Variants in DOCK3 observed in about 807,000 individuals in gnomAD.
DOCK3 encodes the protein dedicator of cytokinesis protein 3.
DOCK3 carries 60 observed loss-of-function variants against 265.6 expected under a neutral mutation model. The ratio of observed to expected loss-of-function variants is 0.23; its 90% confidence interval spans 0.18 to 0.28. The LOEUF is 0.28. Among genes scored for constraint, DOCK3 ranks in the 10% least tolerant of loss-of-function variants. The pLI is 1.00. For synonymous variants in DOCK3, 881 were observed against 938.0 expected, an observed-to-expected ratio of 0.94 and a Z score of 1.11; for missense variants, 1,981 against 2,594.3, an observed-to-expected ratio of 0.76 and a Z score of 5.14.
intron 5 of DOCK3, among the ~76,000 whole-genome samples, chr3:51,049,344 AAAGAAAG>A (rs2080901911): frequency 2.0e-5 from 3 of 151,904 alleles, no homozygotes; most frequent in Admixed American, 6.6e-5. Flanking sequence ...AGAAAGAAAG[AAAGAAAG>A]AAAAAGAAGA....
intron 27 of DOCK3, among the ~76,000 whole-genome samples, chr3:51,287,088 A>G (rs7616967): frequency 0.79 from 120,027 of 152,116 alleles, 48,286 homozygotes; most frequent in Middle Eastern, 0.89. Flanking sequence ...TCTGATAACC[A>G]GAATCTGTAA....
intron 3 of DOCK3, among the ~76,000 whole-genome samples, chr3:50,857,673 A>G (rs1425455869): frequency 1.3e-5 from 2 of 152,242 alleles, no homozygotes; most frequent in African/African-American, 2.4e-5. Flanking sequence ...AGACACATGA[A>G]AAAATGTTCA....
At chr3:50,739,510 CTTTG>C (rs1240675355) in intron 1 of DOCK3, among the ~76,000 whole-genome samples, 2 of 152,076 alleles carry the variant, frequency 1.3e-5, no homozygotes, top group East Asian at 3.9e-4. Context: ...TATTATTTGC[CTTTG>C]TTTATGACCT....
In DOCK3 at chr3:51,186,507, A is replaced by C. The variant is rs147330577; in HGVS notation, c.1038-22267A>C. Among the ~76,000 whole-genome samples the C allele has an allele frequency of 1.0e-3, 159 of 152,358 alleles. 2 individuals carry two copies. The East Asian group carries it at 0.03, about 29-fold the overall frequency. On this transcript the variant is annotated intron_variant, in intron 12 of 52. Coordinates refer to ENST00000266037, the MANE Select transcript of DOCK3 (RefSeq NM_004947.5). The stretch of plus-strand genomic sequence containing the variant: ...AGGAGAAATTCAAGCTGGCTGCATA[A>C]ATTTGCATAAGTAATGAGGAGCTGA...
At chr3:51,011,768 G>A (rs1302654686) in intron 5 of DOCK3, among the ~76,000 whole-genome samples, 3 of 152,204 alleles carry the variant, frequency 2.0e-5, no homozygotes, top group Non-Finnish European at 4.4e-5. Context: ...CCTACCTTTG[G>A]TCTTTGATGA....
At chr3:50,736,296 A>G (rs2038606856) in intron 1 of DOCK3, among the ~76,000 whole-genome samples, 1 of 151,150 alleles carries the variant, frequency 6.6e-6, no homozygotes, top group Non-Finnish European at 1.5e-5. Context: ...AATCCAGTCT[A>G]TCATTGATGG....
chr3:50,803,049 T>C (rs1447296817), intron 2 of DOCK3, among the ~76,000 whole-genome samples: 1 of 150,776 alleles, frequency 6.6e-6, no homozygotes, highest in African/African-American at 2.4e-5. Context: ...AGATTTTATG[T>C]ATTTATGTAT....
chr3:50,900,552 G>T (rs529489626), intron 4 of DOCK3, among the ~76,000 whole-genome samples: 3 of 152,132 alleles, frequency 2.0e-5, no homozygotes, highest in African/African-American at 7.2e-5. Context: ...AGGAGAAGAG[G>T]CATTCTGATT....
At chr3:51,017,547 G>T (rs9860862) in intron 5 of DOCK3, among the ~76,000 whole-genome samples, 1 of 151,594 alleles carries the variant, frequency 6.6e-6, no homozygotes, top group African/African-American at 2.4e-5. Flanking sequence ...GTAGGTTTTG[G>T]CATGTTGTGT....
chr3:50,687,985 C>A (rs1029177201), intron 1 of DOCK3, among the ~76,000 whole-genome samples: 1 of 152,184 alleles, frequency 6.6e-6, no homozygotes, highest in African/African-American at 2.4e-5. Context: ...TACAGTGACT[C>A]AATCCTCTCT....
chr3:50,907,706 A>G (rs1200761907), intron 4 of DOCK3, among the ~76,000 whole-genome samples: 9 of 152,138 alleles, frequency 5.9e-5, no homozygotes, highest in Non-Finnish European at 1.0e-4. Context: ...ACTCTATCCA[A>G]TTTGCCAGTC....
rs782216936 is a variant in DOCK3 at position 51,381,196 on chromosome 3, C to T, written c.5730C>T (p.Arg1910=). The change falls in exon 53 of 53, where the codon CGC becomes CGT. Residue 1910 remains arginine (R), a synonymous_variant. Coordinates refer to ENST00000266037, the MANE Select transcript of DOCK3 (RefSeq NM_004947.5). This position sits in a 1 kb window ranked among gnomAD's most constrained non-coding sequence, Gnocchi z 5.6. ...GGCACTCCTCGGAGGCCCCACCTCG[C>T]ACTGACACCATGGACTCCATGCCAA... ...NFGHSSEAPP[R]TDTMDSMPSQ... 2.5e-5 allele frequency: 41 copies of T among 1,613,828 alleles called. 1 individual carries two copies. Among genetic ancestry groups the T allele is most frequent in the Admixed American group, 6.7e-5 (4 of 60,004 alleles).
chr3:50,838,549 G>A (rs561254415), intron 2 of DOCK3, among the ~76,000 whole-genome samples: 3 of 152,250 alleles, frequency 2.0e-5, no homozygotes, highest in African/African-American at 7.2e-5. Context: ...AACATCAAGG[G>A]GAGTTTCACT....
At chr3:51,347,912 G>C (rs1296704372) in intron 38 of DOCK3, among the ~76,000 whole-genome samples, 3 of 152,166 alleles carry the variant, frequency 2.0e-5, no homozygotes, top group Non-Finnish European at 2.9e-5. Context: ...TTGTGAATGG[G>C]AGTTCACTCA....
intron 4 of DOCK3, among the ~76,000 whole-genome samples, chr3:50,898,322 A>T (rs536503318): frequency 5.3e-5 from 8 of 151,950 alleles, no homozygotes; most frequent in Non-Finnish European, 8.8e-5. Flanking sequence ...ATCAGTGGGG[A>T]TATCCCCTTT....
At chr3:51,079,717 A>C (rs951753061) in intron 7 of DOCK3, among the ~76,000 whole-genome samples, 1 of 152,152 alleles carries the variant, frequency 6.6e-6, no homozygotes, top group Non-Finnish European at 1.5e-5. Flanking sequence ...TCTGCATCAT[A>C]ACAACTCTAA....
chr3:51,064,573 C>T lies in DOCK3; in HGVS notation c.441C>T (p.Thr147=), dbSNP rs201569115. 1.9e-5 allele frequency: 30 copies of T among 1,613,898 alleles called. No homozygotes were observed. In the East Asian group the frequency reaches 3.8e-4, roughly 20 times the overall value. ...TGCGGGAGGTTAAGCGGCACATCAC[C>T]GTGCGCCTGGACTGGGGTAATGAGT... ...DQVREVKRHI[T]VRLDWGNEHL... The change falls in exon 6 of 53, where the codon ACC becomes ACT. Residue 147 remains threonine (T), a synonymous_variant. Coordinates refer to ENST00000266037, the MANE Select transcript of DOCK3 (RefSeq NM_004947.5).
At chr3:51,128,777 C>T (rs890316369) in intron 9 of DOCK3, among the ~76,000 whole-genome samples, 1 of 152,136 alleles carries the variant, frequency 6.6e-6, no homozygotes, top group Non-Finnish European at 1.5e-5. Context: ...CAGCAATGGC[C>T]GTAGCCAGGT....
chr3:51,341,793 G>T (rs899978065), intron 38 of DOCK3, among the ~76,000 whole-genome samples: 2 of 152,186 alleles, frequency 1.3e-5, no homozygotes, highest in East Asian at 3.8e-4. Context: ...AGCCAAAGGC[G>T]GCCTAAACTG....
Sources: gnomAD v4.1 joint callset for allele counts (sites outside exome capture counted in the v4.1 genomes callset) on GRCh38, gnomAD v4.1.1 for gene constraint, Gnocchi (gnomAD v3.1) non-coding constraint, MANE v1.5 for transcripts, NCBI Gene and HGNC (gene_info 2026-07-23, HGNC 2026-07-21) for gene names.